The following SUSD5 variants were observed in gnomAD, a reference collection of about 807,000 sequenced individuals.
SUSD5 encodes sushi domain-containing protein 5.
Under a neutral mutation model 29.5 loss-of-function variants are expected in SUSD5, and 33 were observed. That is an observed-to-expected ratio of 1.12 (90% CI 0.85 to 1.49). The LOEUF (loss-of-function observed/expected upper bound fraction) is 1.49, where lower values mean the gene tolerates loss of function less well. Ranked by LOEUF, SUSD5 falls within the 40% of genes most tolerant of loss-of-function variation. SUSD5 has a pLI of 0.00. For synonymous variants in SUSD5, 308 were observed against 325.3 expected, an observed-to-expected ratio of 0.95 and a Z score of 0.57; for missense variants, 776 against 800.6, an observed-to-expected ratio of 0.97 and a Z score of 0.37.
intron 4 of SUSD5, among the ~76,000 whole-genome samples, chr3:33,162,102 TCATA>T (rs2031201779): frequency 6.6e-6 from 1 of 152,202 alleles, no homozygotes; most frequent in South Asian, 2.1e-4. Context: ...AAGGACTGAA[TCATA>T]CATACATTTT....
Position 33,153,192 on chromosome 3 carries a change from T to G in SUSD5, c.1440A>C (p.Glu480Asp), listed in dbSNP as rs1480629492. The change falls in exon 5 of 5, where the codon GAA (glutamate) becomes GAC (aspartate). Residue 480 changes from glutamate to aspartate, a missense_variant. Transcript: ENST00000309558. ...STLPWRFITE[E>D]SPMATLSYEL... Reference sequence around the variant, plus strand: ...CATAGGACAGGGTGGCCATGGGAGATTCCTCTGTGATGAATCTCCAGGGTA... The same window carrying G: ...CATAGGACAGGGTGGCCATGGGAGAGTCCTCTGTGATGAATCTCCAGGGTA... 6.2e-7 allele frequency: 1 copy of G among 1,613,748 alleles called. No individual in the cohort carries two copies. Among genetic ancestry groups the G allele is most frequent in the Non-Finnish European group, 8.5e-7 (1 of 1,179,852 alleles).
rs769862109 is a variant in SUSD5, at chr3:33,196,552, AG to A, written c.409+11255del. Among the ~76,000 whole-genome samples the A allele has an allele frequency of 5.7e-4, 87 of 152,338 alleles. 1 individual carries two copies. Among genetic ancestry groups the A allele is most frequent in the Middle Eastern group, 6.8e-3 (2 of 294 alleles). The stretch of plus-strand genomic sequence containing the variant: ...CAGGATATCTTTGTTTTAACAAAAA[AG>A]AACTTCTGTAGAGAGCAGGGGAAAG... On this transcript the variant is annotated intron_variant, in intron 3 of 4. Coordinates refer to ENST00000309558, the MANE Select transcript of SUSD5 (RefSeq NM_015551.2).
At chr3:33,178,428 G>C (rs1041693185) in intron 3 of SUSD5, among the ~76,000 whole-genome samples, 1 of 140,144 alleles carries the variant, frequency 7.1e-6, no homozygotes, top group African/African-American at 2.5e-5. Context: ...AGATACATTG[G>C]TCTGTAGTTT....
At position 33,167,284 on chromosome 3, in the gene SUSD5, T is replaced by G. The variant is rs1031296734; in HGVS notation, c.598+7602A>C. ...TGTTCTCCTCTCTCACTTTTTTGTG[T>G]GTGCAGGCAACACTGGCTTAGCATT... On this transcript the variant is annotated intron_variant, in intron 4 of 4. Coordinates refer to ENST00000309558, the MANE Select transcript of SUSD5 (RefSeq NM_015551.2). The surrounding 1 kb of genome is among the most constrained non-coding windows in gnomAD (Gnocchi z 4.1). Among the ~76,000 whole-genome samples the G allele has an allele frequency of 6.6e-6, 1 of 152,046 alleles. No individual in the cohort carries two copies. Among genetic ancestry groups the G allele is most frequent in the Non-Finnish European group, 1.5e-5 (1 of 68,004 alleles).
At position 33,174,988 on chromosome 3, in the gene SUSD5, C is replaced by T. The variant is rs200239968; in HGVS notation, c.496G>A (p.Val166Met). 196 of 1,613,918 alleles carry T rather than the reference C, an allele frequency of 1.2e-4. No individual in the cohort carries two copies. Among genetic ancestry groups the T allele is most frequent in the Non-Finnish European group, 1.6e-4 (186 of 1,179,914 alleles). Residue 166 changes from valine (V) to methionine (M), a missense_variant, in exon 4 of 5, where the codon GTG becomes ATG. Coordinates refer to ENST00000309558, the MANE Select transcript of SUSD5 (RefSeq NM_015551.2). ...GLEMGDELLY[V>M]CAPGHIMGHR... ...CCCATGATGTGGCCTGGGGCACACA[C>T]GTACAGCAGTTCATCCCCCATTTCC...
At chr3:33,185,059 G>A (rs2031750116) in intron 3 of SUSD5, among the ~76,000 whole-genome samples, 1 of 152,184 alleles carries the variant, frequency 6.6e-6, no homozygotes, top group Non-Finnish European at 1.5e-5. Context: ...GAGGGGAGAG[G>A]AAGTGTTCTA....
intron 4 of SUSD5, among the ~76,000 whole-genome samples, chr3:33,165,471 C>T (rs1419979577): frequency 6.6e-6 from 1 of 152,064 alleles, no homozygotes; most frequent in Non-Finnish European, 1.5e-5. Flanking sequence ...ATTCACTGAA[C>T]TCTATAATAT....
At chr3:33,182,021 G>C (rs2031682576) in intron 3 of SUSD5, among the ~76,000 whole-genome samples, 1 of 152,106 alleles carries the variant, frequency 6.6e-6, no homozygotes, top group Non-Finnish European at 1.5e-5. Context: ...TTCTAAAGTG[G>C]AGGCTAAGAT....
In SUSD5 at chr3:33,152,744, AG is replaced by A; in HGVS notation, c.1887del (p.Ter630ArgfsTer16). On this transcript the variant is annotated frameshift_variant, in exon 5 of 5. Coordinates refer to ENST00000309558, the MANE Select transcript of SUSD5 (RefSeq NM_015551.2). LOFTEE classifies it high-confidence loss of function. Reference protein sequence around the residue: ...HYHQQIEMEKV With the variant: ...HYHQQIEMEKX ...GGGAGAACCCACTCCAAAGGTGCCTAGACCTTCTCCATCTCGATCTGCTGGT... is the reference window on the plus strand; with the variant it reads ...GGGAGAACCCACTCCAAAGGTGCCTAACCTTCTCCATCTCGATCTGCTGGT... 6.2e-7 allele frequency: 1 copy of A among 1,605,384 alleles called. No homozygotes were observed. The highest frequency in any genetic ancestry group is 8.5e-7 in the Non-Finnish European group (1 of 1,175,252).
chr3:33,189,478 C>CAAAAAA (rs71630568), intron 3 of SUSD5, among the ~76,000 whole-genome samples: 14 of 91,594 alleles, frequency 1.5e-4, no homozygotes, highest in South Asian at 1.2e-3. Flanking sequence ...CTCTCCTTCT[C>CAAAAAA]AAAAAAAAAA....
chr3:33,196,278 G>A (rs978099317), intron 3 of SUSD5, among the ~76,000 whole-genome samples: 1 of 152,228 alleles, frequency 6.6e-6, no homozygotes, highest in Admixed American at 6.5e-5. Context: ...ATATGAGCCT[G>A]TATTTGCCCA....
At chr3:33,184,536 T>G (rs2031740053) in intron 3 of SUSD5, among the ~76,000 whole-genome samples, 1 of 152,210 alleles carries the variant, frequency 6.6e-6, no homozygotes, top group African/African-American at 2.4e-5. Flanking sequence ...TTCCTTCTCC[T>G]TCTGATACTT....
intron 3 of SUSD5, among the ~76,000 whole-genome samples, chr3:33,206,514 A>C (rs2032223089): frequency 6.6e-6 from 1 of 152,010 alleles, no homozygotes; most frequent in Non-Finnish European, 1.5e-5. Context: ...TTGAAAACCA[A>C]GTCACATCTC....
chr3:33,152,841 G>C lies in SUSD5; in HGVS notation c.1791C>G (p.Gly597=). 1 of 1,613,998 alleles carries C rather than the reference G, an allele frequency of 6.2e-7. No homozygotes were observed. The highest frequency in any genetic ancestry group is 8.5e-7 in the Non-Finnish European group (1 of 1,179,902). The stretch of plus-strand genomic sequence containing the variant: ...AGCTCTTGTGCTGGCACTTGCGGTA[G>C]CCCCACACCATCCCCACACCTGCCA... The part of the protein sequence containing the change: ...LLLAGVGMVW[G]YRKCQHKSSV... The change falls in exon 5 of 5, where the codon GGC becomes GGG. Residue 597 remains glycine, a synonymous_variant. Coordinates refer to ENST00000309558, the MANE Select transcript of SUSD5 (RefSeq NM_015551.2).
rs2032469107 is a variant in SUSD5 at position 33,218,675 on chromosome 3, C to T, written c.112+11G>A. The T allele has an allele frequency of 4.0e-5, 51 of 1,286,150 alleles. No homozygotes were observed. The highest frequency in any genetic ancestry group is 4.9e-5 in the Non-Finnish European group (50 of 1,015,384). The allele number at this position is 1,286,150 out of a possible 1,614,324, so 79.7% of individuals were successfully genotyped here. A position where few individuals can be genotyped will look rare whatever the true frequency, so the allele number is the denominator to read the frequency against. ...CTCCACCCCCCGCCCCGCCGCCTCC[C>T]GCACACTCACCATCCGCCCGCACCG... On this transcript the variant is annotated intron_variant, in intron 1 of 4. Transcript: ENST00000309558.
chr3:33,156,012 G>A (rs1419663352), intron 4 of SUSD5, among the ~76,000 whole-genome samples: 5 of 151,298 alleles, frequency 3.3e-5, no homozygotes, highest in African/African-American at 4.9e-5. Flanking sequence ...CTTATGATTC[G>A]TATGTATTTT....
intron 1 of SUSD5, among the ~76,000 whole-genome samples, chr3:33,215,729 G>A (rs2032417979): frequency 6.6e-6 from 1 of 152,096 alleles, no homozygotes; most frequent in South Asian, 2.1e-4. Context: ...AAATCCCCTT[G>A]TGCATGGAAA....
rs1477684841 is a variant in SUSD5, at chr3:33,152,475, G to A, written c.*267C>T. 4.7e-6 allele frequency: 2 copies of A among 426,572 alleles called. No homozygotes were observed. Among genetic ancestry groups the A allele is most frequent in the African/African-American group, 2.0e-5 (1 of 50,282 alleles). 26.4% of individuals were successfully genotyped at this position (426,572 alleles called of 1,614,324 possible). On this transcript the variant is annotated 3_prime_UTR_variant, in exon 5 of 5. Coordinates refer to ENST00000309558, the MANE Select transcript of SUSD5 (RefSeq NM_015551.2). ...AAGAGGCGATTTTTGACCTCACACT[G>A]GAAACAGGGCCCAAGCACAGGTCTG...
At chr3:33,211,055 T>A (rs1326517387) in intron 2 of SUSD5, among the ~76,000 whole-genome samples, 2 of 152,164 alleles carry the variant, frequency 1.3e-5, no homozygotes, top group South Asian at 2.1e-4. Flanking sequence ...TGTATTTTTT[T>A]ATTTATTTTT....
Sources: gnomAD v4.1 joint callset for allele counts (sites outside exome capture counted in the v4.1 genomes callset) on GRCh38, gnomAD v4.1.1 for gene constraint, Gnocchi (gnomAD v3.1) non-coding constraint, MANE v1.5 for transcripts, NCBI Gene and HGNC (gene_info 2026-07-23, HGNC 2026-07-21) for gene names.